Variants in QTMAN observed in about 807,000 individuals in gnomAD.
QTMAN encodes queuosine-tRNA mannosyltransferase, also known as tRNA-queuosine alpha-mannosyltransferase.
the QTMAN span, among the ~76,000 whole-genome samples, chr2:144,131,016 C>CA: frequency 6.6e-5 from 10 of 151,846 alleles, no homozygotes; most frequent in Non-Finnish European, 1.5e-4. Flanking sequence ...ACAAATTTTG[C>CA]ACTCAGTTTT....
the QTMAN span, among the ~76,000 whole-genome samples, chr2:143,962,307 G>C: frequency 1.3e-5 from 2 of 152,060 alleles, no homozygotes; most frequent in African/African-American, 4.8e-5. Flanking sequence ...GTGTCTACAT[G>C]GGGAGGAAGA....
At chr2:144,045,902 A>C in the QTMAN span, among the ~76,000 whole-genome samples, 2 of 152,158 alleles carry the variant, frequency 1.3e-5, no homozygotes, top group South Asian at 2.1e-4. Context: ...TTGAAGAGAG[A>C]GCCAAATGTG....
the QTMAN span, among the ~76,000 whole-genome samples, chr2:144,299,139 C>T: frequency 6.6e-6 from 1 of 152,180 alleles, no homozygotes; most frequent in Non-Finnish European, 1.5e-5. Flanking sequence ...CATCAATATC[C>T]TGTGACCCCA....
chr2:144,179,428 A>G, the QTMAN span, among the ~76,000 whole-genome samples: 1 of 152,270 alleles, frequency 6.6e-6, no homozygotes, highest in African/African-American at 2.4e-5. Flanking sequence ...TTGAATGCCA[A>G]CCCTCCAGAT....
the QTMAN span, among the ~76,000 whole-genome samples, chr2:144,010,823 A>G: frequency 1.3e-5 from 2 of 152,128 alleles, no homozygotes; most frequent in Admixed American, 6.6e-5. Flanking sequence ...AAGGAAAAAG[A>G]ATAATTATTT....
chr2:144,275,100 A>G, the QTMAN span, among the ~76,000 whole-genome samples: 1 of 152,142 alleles, frequency 6.6e-6, no homozygotes, highest in Non-Finnish European at 1.5e-5. Context: ...GGGAAAACTT[A>G]CCATGATGGT....
At chr2:143,947,118 A>T in the QTMAN span, 2 of 1,613,684 alleles carry the variant, frequency 1.2e-6, no homozygotes, top group Non-Finnish European at 1.7e-6. Flanking sequence ...CTGCCCAAGA[A>T]AACGGAGCGA....
the QTMAN span, among the ~76,000 whole-genome samples, chr2:144,217,541 T>C: frequency 2.0e-5 from 3 of 152,152 alleles, no homozygotes; most frequent in Non-Finnish European, 2.9e-5. Flanking sequence ...GCCTCCTCAC[T>C]TGTAAAACCA....
At chr2:143,968,175 T>C in the QTMAN span, among the ~76,000 whole-genome samples, 1 of 152,288 alleles carries the variant, frequency 6.6e-6, no homozygotes, top group East Asian at 1.9e-4. Context: ...TCAATTCACA[T>C]TTGAAATGGT....
At chr2:144,097,404 C>A in the QTMAN span, among the ~76,000 whole-genome samples, 1 of 152,156 alleles carries the variant, frequency 6.6e-6, no homozygotes, top group African/African-American at 2.4e-5. Flanking sequence ...GGTTCAGCTA[C>A]TGCAGTTACT....
chr2:144,294,487 C>G, the QTMAN span: 1 of 152,168 alleles, frequency 6.6e-6, no homozygotes, highest in African/African-American at 2.4e-5. Context: ...ATATCTCCAG[C>G]AAGTCCTAGG....
chr2:143,994,516 G>A, the QTMAN span, among the ~76,000 whole-genome samples: 1 of 152,068 alleles, frequency 6.6e-6, no homozygotes, highest in East Asian at 1.9e-4. Context: ...AAATGAATAA[G>A]CAATAGGTGT....
At chr2:144,055,637 G>T in the QTMAN span, among the ~76,000 whole-genome samples, 1 of 152,160 alleles carries the variant, frequency 6.6e-6, no homozygotes, top group Non-Finnish European at 1.5e-5. Context: ...CAGCATTACA[G>T]AAATGGATTT....
chr2:144,105,492 G>T, the QTMAN span, among the ~76,000 whole-genome samples: 14 of 152,222 alleles, frequency 9.2e-5, no homozygotes, highest in African/African-American at 3.4e-4. Context: ...TCAACTGGAA[G>T]AAAGGGTATC....
the QTMAN span, among the ~76,000 whole-genome samples, chr2:143,981,624 G>T: frequency 1.8e-4 from 28 of 152,284 alleles, no homozygotes; most frequent in Non-Finnish European, 3.7e-4. Context: ...TTCTGTTTAT[G>T]TTTTATGTCT....
At chr2:144,117,840 T>A in the QTMAN span, among the ~76,000 whole-genome samples, 2 of 152,094 alleles carry the variant, frequency 1.3e-5, no homozygotes, top group Admixed American at 6.6e-5. Flanking sequence ...ATTTATTTAT[T>A]CATTTATTTA....
the QTMAN span, among the ~76,000 whole-genome samples, chr2:143,986,715 A>AT: frequency 6.6e-6 from 1 of 152,264 alleles, no homozygotes; most frequent in African/African-American, 2.4e-5. Flanking sequence ...TTCAAAATGC[A>AT]TAAACCCTTG....
chr2:144,099,419 T>C, the QTMAN span, among the ~76,000 whole-genome samples: 1 of 152,128 alleles, frequency 6.6e-6, no homozygotes, highest in South Asian at 2.1e-4. Context: ...GGATAAAAGA[T>C]GCAAAGTCTT....
the QTMAN span, among the ~76,000 whole-genome samples, chr2:144,228,576 T>C: frequency 1.3e-5 from 2 of 151,956 alleles, no homozygotes; most frequent in African/African-American, 2.4e-5. Flanking sequence ...AGAAGGAGAA[T>C]GGGGGGAGAG....
Sources: allele counts gnomAD v4.1 joint callset (sites outside exome capture counted in the v4.1 genomes callset), GRCh38; gene constraint gnomAD v4.1.1; transcripts MANE v1.5; gene names NCBI Gene and HGNC (gene_info 2026-07-23, HGNC 2026-07-21).